ASCC3: variants seen among roughly 807,000 people sequenced by gnomAD.
ASCC3 encodes the protein ASC-1 complex subunit P200.
In ASCC3, 158 loss-of-function variants were observed where a neutral mutation model predicts 256.3. The ratio of observed to expected loss-of-function variants is 0.62; its 90% CI spans 0.54 to 0.70. The LOEUF (loss-of-function observed/expected upper bound fraction) is 0.70. Among genes scored for constraint, ASCC3 ranks in the 30% least tolerant of loss-of-function variants. The pLI is 0.00. For missense variants in ASCC3, 2,259 were observed against 2,626.0 expected, an observed-to-expected ratio of 0.86 and a Z score of 3.05; for synonymous variants, 948 against 883.4, an observed-to-expected ratio of 1.07 and a Z score of -1.30.
intron 37 of ASCC3, among the ~76,000 whole-genome samples, chr6:100,532,528 C>T (rs1298398846): frequency 6.6e-6 from 1 of 150,684 alleles, no homozygotes; most frequent in Admixed American, 6.6e-5. Flanking sequence ...TAAACATTGC[C>T]GTAAGGCAGG....
At chr6:100,713,921 C>G (rs1778977717) in intron 13 of ASCC3, among the ~76,000 whole-genome samples, 1 of 152,092 alleles carries the variant, frequency 6.6e-6, no homozygotes, top group Non-Finnish European at 1.5e-5. Context: ...GATACTCTTG[C>G]AAAGAAGGCT....
chr6:100,585,916 C>T (rs1027768463), intron 36 of ASCC3, among the ~76,000 whole-genome samples: 2 of 152,146 alleles, frequency 1.3e-5, no homozygotes, highest in Admixed American at 1.3e-4. Context: ...ACCGCGAATG[C>T]TGCTGTCTGA....
intron 10 of ASCC3, among the ~76,000 whole-genome samples, chr6:100,747,876 A>G (rs1285958164): frequency 6.6e-6 from 1 of 152,062 alleles, no homozygotes; most frequent in Non-Finnish European, 1.5e-5. Flanking sequence ...ATGTTTAAAG[A>G]TCAACCAGTA....
At chr6:100,566,661 T>C (rs147581797) in intron 36 of ASCC3, among the ~76,000 whole-genome samples, 13 of 152,298 alleles carry the variant, frequency 8.5e-5, no homozygotes, top group South Asian at 4.1e-4. Flanking sequence ...TATGCATTGA[T>C]TGCCATTTGT....
At chr6:100,630,284 C>T (rs955665335) in intron 26 of ASCC3, among the ~76,000 whole-genome samples, 2 of 152,002 alleles carry the variant, frequency 1.3e-5, no homozygotes, top group African/African-American at 4.8e-5. Context: ...TTTACCTATT[C>T]TTGTTTATTT....
At chr6:100,800,645 GT>G in intron 5 of ASCC3, 141 bp from the exon 6 acceptor site, 1 of 680,880 alleles carries the variant, frequency 1.5e-6, no homozygotes, top group Non-Finnish European at 2.5e-6. Context: ...TCAATTATAT[GT>G]TTTAAGGTGA....
intron 24 of ASCC3, 102 bp downstream of exon 24, chr6:100,642,479 G>T: frequency 8.3e-7 from 1 of 1,203,384 alleles, no homozygotes; most frequent in Non-Finnish European, 1.2e-6. Flanking sequence ...AAGTTATAAT[G>T]ATTACAAGTA....
intron 4 of ASCC3, among the ~76,000 whole-genome samples, chr6:100,806,117 G>T (rs1459492310): frequency 2.6e-5 from 4 of 151,774 alleles, no homozygotes; most frequent in Non-Finnish European, 4.4e-5. Context: ...TAAAAATTAC[G>T]ATTTGAATAT....
chr6:100,520,551 A>G (rs1368003217), intron 37 of ASCC3, among the ~76,000 whole-genome samples: 2 of 152,052 alleles, frequency 1.3e-5, no homozygotes, highest in Non-Finnish European at 2.9e-5. Context: ...AAGCTGCCAG[A>G]TAGTTGTAGG....
chr6:100,618,639 G>A (rs1349627244), intron 30 of ASCC3, among the ~76,000 whole-genome samples: 1 of 152,134 alleles, frequency 6.6e-6, no homozygotes, highest in Non-Finnish European at 1.5e-5. Flanking sequence ...ACTGCTCAGT[G>A]CCTAATATGC....
At chr6:100,568,787 TTA>T (rs1252767205) in intron 36 of ASCC3, among the ~76,000 whole-genome samples, 64 of 147,772 alleles carry the variant, frequency 4.3e-4, no homozygotes, top group Admixed American at 1.3e-3. Flanking sequence ...ATTATTATTA[TTA>T]TTTTTTGAGA....
intron 4 of ASCC3, among the ~76,000 whole-genome samples, chr6:100,825,153 A>C (rs552249671): frequency 1.3e-5 from 2 of 152,172 alleles, no homozygotes; most frequent in Non-Finnish European, 2.9e-5. Context: ...TGTTTATAGG[A>C]TATGTTTTTC....
intron 8 of ASCC3, among the ~76,000 whole-genome samples, chr6:100,791,466 T>A (rs796953760): frequency 1.4e-4 from 21 of 152,102 alleles, no homozygotes; most frequent in African/African-American, 5.1e-4. Flanking sequence ...AGTCAAGAAC[T>A]ATTCTTTTCT....
intron 10 of ASCC3, among the ~76,000 whole-genome samples, chr6:100,763,273 C>T (rs1257276621): frequency 1.3e-5 from 2 of 152,260 alleles, no homozygotes; most frequent in East Asian, 3.9e-4. Flanking sequence ...CAAAAATTAT[C>T]ACCTGCAGAA....
At chr6:100,827,501 G>A (rs1320187608) in intron 4 of ASCC3, among the ~76,000 whole-genome samples, 1 of 152,018 alleles carries the variant, frequency 6.6e-6, no homozygotes, top group Non-Finnish European at 1.5e-5. Context: ...ATTTTTTGTG[G>A]CTTGATAGCT....
intron 5 of ASCC3, 111 bp from the exon 6 acceptor site, chr6:100,800,615 AT>A: frequency 1.2e-6 from 1 of 817,146 alleles, no homozygotes; most frequent in African/African-American, 1.7e-5. Context: ...CTTACAATTC[AT>A]TTTTTAAAGC....
chr6:100,847,543 G>A (rs1446306155), intron 4 of ASCC3, among the ~76,000 whole-genome samples: 1 of 152,010 alleles, frequency 6.6e-6, no homozygotes, highest in African/African-American at 2.4e-5. Flanking sequence ...AATACTCAAT[G>A]TGATTTAAAA....
chr6:100,796,292 T>G (rs1386204118), intron 8 of ASCC3, among the ~76,000 whole-genome samples: 1 of 152,204 alleles, frequency 6.6e-6, no homozygotes, highest in Non-Finnish European at 1.5e-5. Flanking sequence ...GGTAGTGTCT[T>G]AAACACCTAA....
Position 100,866,685 on chromosome 6 carries a change from G to C in ASCC3, c.90+1223C>G, listed in dbSNP as rs9498412. ...GACACCAGGGATGTGCTTGTACAGAGGACAAATCATGTGAGGACACAGCAG... is the reference window on the plus strand; with the variant it reads ...GACACCAGGGATGTGCTTGTACAGACGACAAATCATGTGAGGACACAGCAG... On this transcript the variant is annotated intron_variant, in intron 2 of 41. Coordinates refer to ENST00000369162, the MANE Select transcript of ASCC3 (RefSeq NM_006828.4). Among the ~76,000 whole-genome samples the C allele has an allele frequency of 4.8e-3, 736 of 152,252 alleles. 9 individuals carry two copies. The highest frequency in any genetic ancestry group is 0.017 in the African/African-American group (712 of 41,540).
Sources: allele counts gnomAD v4.1 joint callset (sites outside exome capture counted in the v4.1 genomes callset), GRCh38; gene constraint gnomAD v4.1.1; transcripts MANE v1.5; gene names NCBI Gene and HGNC (gene_info 2026-07-23, HGNC 2026-07-21).